Variants in PPP1R1C observed in about 807,000 individuals in gnomAD.
PPP1R1C encodes the protein protein phosphatase 1 regulatory inhibitor subunit 1C, also known as protein phosphatase 1 regulatory subunit 1C.
Under a neutral mutation model 17.4 loss-of-function variants are expected in PPP1R1C, and 15 were observed. The ratio of observed to expected loss-of-function variants is 0.86; its 90% confidence interval spans 0.58 to 1.33. The LOEUF is 1.33. Ranked by LOEUF, PPP1R1C falls within the 40% of genes most tolerant of loss-of-function variation. The pLI, the probability that PPP1R1C is intolerant of heterozygous loss-of-function variation, is 0.00. For synonymous variants in PPP1R1C, 35 were observed against 43.1 expected (o/e 0.81, Z 0.73); for missense variants, 143 against 130.0 (o/e 1.10, Z -0.48).
chr2:182,016,757 C>A (rs1686272288), intron 2 of PPP1R1C, among the ~76,000 whole-genome samples: 1 of 152,132 alleles, frequency 6.6e-6, no homozygotes, highest in African/African-American at 2.4e-5. Flanking sequence ...AGTCAGAATA[C>A]ACATCTAATT....
intron 4 of PPP1R1C, among the ~76,000 whole-genome samples, chr2:182,074,105 G>T (rs1574429523): frequency 6.7e-6 from 1 of 148,756 alleles, no homozygotes; most frequent in Non-Finnish European, 1.5e-5. Context: ...GCAGTGGCGC[G>T]ATCTCGGCTC....
intron 2 of PPP1R1C, among the ~76,000 whole-genome samples, chr2:182,002,922 C>T (rs1685807530): frequency 8.1e-6 from 1 of 123,530 alleles, no homozygotes; most frequent in Non-Finnish European, 1.7e-5. Flanking sequence ...AGAGTGATGC[C>T]ATAAACCTCC....
rs144511298 is a variant in PPP1R1C, at chr2:182,110,944, A to G, written c.242-6263A>G. ...AAAATGGGCACTAGAGGGGCACATG[A>G]CTGTGGAGGGCAAAAGCAGCAATCA... On this transcript the variant is annotated intron_variant, in intron 4 of 4. Coordinates refer to ENST00000682840, the MANE Select transcript of PPP1R1C (RefSeq NM_001080545.3). Among the ~76,000 whole-genome samples the G allele has an allele frequency of 1.5e-3, 227 of 152,202 alleles. 2 individuals are homozygous for G. The highest frequency in any genetic ancestry group is 5.0e-3 in the African/African-American group (207 of 41,532).
chr2:182,024,542 A>T (rs977043875), intron 2 of PPP1R1C, among the ~76,000 whole-genome samples: 1 of 152,144 alleles, frequency 6.6e-6, no homozygotes, highest in Non-Finnish European at 1.5e-5. Context: ...AACTTCTAGA[A>T]ATTTACATCA....
chr2:182,100,967 C>T (rs945686667), intron 4 of PPP1R1C, among the ~76,000 whole-genome samples: 2 of 151,986 alleles, frequency 1.3e-5, no homozygotes, highest in African/African-American at 2.4e-5. Context: ...ATGAGAAGAG[C>T]GGTTCCTGAA....
At chr2:182,068,164 T>A (rs1688041446) in intron 4 of PPP1R1C, among the ~76,000 whole-genome samples, 1 of 152,194 alleles carries the variant, frequency 6.6e-6, no homozygotes, top group Non-Finnish European at 1.5e-5. Flanking sequence ...TATCTGCAAC[T>A]TTCACAGGAT....
intron 2 of PPP1R1C, among the ~76,000 whole-genome samples, chr2:182,047,920 A>G (rs1021153941): frequency 3.9e-5 from 6 of 152,250 alleles, no homozygotes; most frequent in Non-Finnish European, 8.8e-5. Context: ...GAATAAATCA[A>G]CATAATCCAT....
At chr2:182,090,484 A>G (rs1435215758) in intron 4 of PPP1R1C, among the ~76,000 whole-genome samples, 1 of 152,126 alleles carries the variant, frequency 6.6e-6, no homozygotes, top group African/African-American at 2.4e-5. Flanking sequence ...TCTATTTATA[A>G]CCGGTAAAAA....
At chr2:182,080,162 G>A (rs1688432009) in intron 4 of PPP1R1C, among the ~76,000 whole-genome samples, 1 of 152,192 alleles carries the variant, frequency 6.6e-6, no homozygotes, top group Non-Finnish European at 1.5e-5. Context: ...CTTCTAAAAT[G>A]CCATGCATAG....
rs1263456098 is a variant in PPP1R1C at position 182,063,644 on chromosome 2, G to A, written c.181-87G>A. The A allele has an allele frequency of 1.0e-5, 10 of 978,250 alleles. No homozygotes were observed. The Middle Eastern group carries it at 1.6e-3, about 160-fold the overall frequency. The allele number at this position is 978,250 out of a possible 1,614,324, so 60.6% of individuals were successfully genotyped here. On this transcript the variant is annotated intron_variant, in intron 3 of 4. Coordinates refer to ENST00000682840, the MANE Select transcript of PPP1R1C (RefSeq NM_001080545.3). ...AAATCAGAAAGCTTTTCATAACATG[G>A]CACAGTATTTATTTCCCTCACAGGT...
At chr2:181,989,031 T>C (rs983298333) in intron 2 of PPP1R1C, among the ~76,000 whole-genome samples, 2 of 152,204 alleles carry the variant, frequency 1.3e-5, no homozygotes, top group African/African-American at 4.8e-5. Context: ...TGATATGTAA[T>C]TATAATTCTA....
At chr2:182,058,678 C>T (rs907484309) in intron 2 of PPP1R1C, among the ~76,000 whole-genome samples, 3 of 152,074 alleles carry the variant, frequency 2.0e-5, no homozygotes, top group Admixed American at 6.6e-5. Context: ...AGGAATTTTA[C>T]GTGGCTTAAG....
downstream of PPP1R1C, among the ~76,000 whole-genome samples, chr2:182,120,812 T>A (rs913004989): frequency 1.3e-5 from 2 of 152,070 alleles, no homozygotes; most frequent in Admixed American, 6.6e-5. Flanking sequence ...TAATATACAG[T>A]ATAGCTTCTG....
Position 182,096,533 on chromosome 2 carries a change from C to T in PPP1R1C, c.242-20674C>T, listed in dbSNP as rs113389485. Among the ~76,000 whole-genome samples the T allele has an allele frequency of 1.8e-3, 265 of 151,204 alleles. 1 individual carries two copies. The highest frequency in any genetic ancestry group is 3.2e-3 in the Admixed American group (48 of 15,190). Reference sequence around the variant, plus strand: ...TACATGATCTGGTGGCTCCGACTCCCGTGACCTCCCCTCGCAAATCTACAC... The same window carrying T: ...TACATGATCTGGTGGCTCCGACTCCTGTGACCTCCCCTCGCAAATCTACAC... On this transcript the variant is annotated intron_variant, in intron 4 of 4. Transcript: ENST00000682840.
At chr2:182,054,064 T>C (rs1687609843) in intron 2 of PPP1R1C, among the ~76,000 whole-genome samples, 1 of 152,228 alleles carries the variant, frequency 6.6e-6, no homozygotes, top group African/African-American at 2.4e-5. Flanking sequence ...ATTTTATATC[T>C]TTATATTTTG....
chr2:182,010,540 T>C (rs1239789229), intron 2 of PPP1R1C, among the ~76,000 whole-genome samples: 3 of 152,108 alleles, frequency 2.0e-5, no homozygotes, highest in Admixed American at 6.5e-5. Context: ...TTCAGGTTTT[T>C]CCAAATATAA....
downstream of PPP1R1C, among the ~76,000 whole-genome samples, chr2:182,120,724 T>C (rs1381006185): frequency 6.6e-6 from 1 of 152,178 alleles, no homozygotes; most frequent in Non-Finnish European, 1.5e-5. Context: ...ACAGATGCTT[T>C]TAAAATGCTT....
At chr2:181,960,403 G>C (rs901656092) in intron 1 of PPP1R1C, among the ~76,000 whole-genome samples, 7 of 152,210 alleles carry the variant, frequency 4.6e-5, no homozygotes, top group African/African-American at 1.7e-4. Context: ...AATGTCTGTT[G>C]ATTTCCAGTA....
chr2:181,993,234 T>C (rs1415164154), intron 2 of PPP1R1C, among the ~76,000 whole-genome samples: 2 of 152,154 alleles, frequency 1.3e-5, no homozygotes, highest in Admixed American at 6.5e-5. Context: ...AGTAGAAATT[T>C]ATTTCCAGTA....
Sources: allele counts gnomAD v4.1 joint callset (sites outside exome capture counted in the v4.1 genomes callset), GRCh38; gene constraint gnomAD v4.1.1; transcripts MANE v1.5; gene names NCBI Gene and HGNC (gene_info 2026-07-23, HGNC 2026-07-21).